Variants in HGF observed in about 807,000 individuals in gnomAD.
The protein encoded by HGF is hepatocyte growth factor, also known as fibroblast-derived tumor cytotoxic factor.
Under a neutral mutation model 111.6 loss-of-function variants are expected in HGF, and 39 were observed. The observed-to-expected ratio is 0.35, with a 90% CI of 0.27 to 0.46. HGF has a LOEUF of 0.46. Ranked by LOEUF, HGF falls within the 20% of genes least tolerant of loss-of-function variation. The probability of loss-of-function intolerance (pLI) is 1.00; values close to 1 mark genes in which losing one functional copy is unlikely to be tolerated. For missense variants in HGF, 735 were observed against 910.5 expected, an observed-to-expected ratio of 0.81 and a Z score of 2.48; for synonymous variants, 285 against 294.8, an observed-to-expected ratio of 0.97 and a Z score of 0.34.
chr7:81,739,647 T>G lies in HGF; in HGVS notation c.865+3706A>C, dbSNP rs576991930. Among the ~76,000 whole-genome samples, 4 of 152,208 alleles carry G rather than the reference T, an allele frequency of 2.6e-5. No individual in the cohort carries two copies. In the South Asian group the frequency reaches 8.3e-4, roughly 32 times the overall value. The stretch of plus-strand genomic sequence containing the variant: ...GTGTGGGAGGGTAGAGGTGTTGACA[T>G]GCCTGGCTTCTGAGAAACACATGTA... On this transcript the variant is annotated intron_variant, in intron 7 of 17. Transcript: ENST00000222390.
chr7:81,716,380 G>A lies in HGF; in HGVS notation c.1405+852C>T, dbSNP rs530262989. Among the ~76,000 whole-genome samples the A allele has an allele frequency of 5.0e-4, 76 of 152,212 alleles. 1 individual carries two copies. In the South Asian group the frequency reaches 0.015, roughly 29 times the overall value. On this transcript the variant is annotated intron_variant, in intron 11 of 17. Transcript: ENST00000222390. ...CCAAGCAGGATTTTGAATTCACACT[G>A]TAAGTAGCATAGAATTGAGACAGAC...
intron 12 of HGF, among the ~76,000 whole-genome samples, chr7:81,710,813 T>C (rs1273136260): frequency 6.6e-6 from 1 of 152,200 alleles, no homozygotes; most frequent in African/African-American, 2.4e-5. Flanking sequence ...GTAAATGTTT[T>C]CCTGACCCTC....
At chr7:81,727,271 C>T (rs577949083) in intron 8 of HGF, among the ~76,000 whole-genome samples, 24 of 151,740 alleles carry the variant, frequency 1.6e-4, no homozygotes, top group African/African-American at 5.6e-4. Context: ...TCTCAATCTC[C>T]TGACCTGGTG....
intron 10 of HGF, among the ~76,000 whole-genome samples, chr7:81,718,979 C>A (rs144457364): frequency 6.6e-6 from 1 of 152,150 alleles, no homozygotes; most frequent in African/African-American, 2.4e-5. Flanking sequence ...TTAATAAATC[C>A]TTTTAATCCT....
chr7:81,769,417 C>T (rs1584028931), intron 1 of HGF, among the ~76,000 whole-genome samples: 1 of 152,140 alleles, frequency 6.6e-6, no homozygotes, highest in East Asian at 1.9e-4. Flanking sequence ...TGTACAAAGT[C>T]GTAATTTGGC....
intron 11 of HGF, among the ~76,000 whole-genome samples, chr7:81,715,971 G>A (rs372839359): frequency 1.2e-4 from 18 of 152,152 alleles, no homozygotes; most frequent in Middle Eastern, 3.4e-3. Flanking sequence ...AAGGATGTTC[G>A]TTGTAAACAT....
chr7:81,752,083 G>A (rs764540833), intron 5 of HGF, 37 bp downstream of exon 5: 2 of 1,612,544 alleles, frequency 1.2e-6, no homozygotes. Context: ...CACATAGGGG[G>A]AATAGAATGG....
rs546761758 is a variant in HGF, at chr7:81,727,437, A to G, written c.1041-1420T>C. ...ATCAAAGTAAGTCCTGACACAAACT[A>G]TTATTTAAGGATATGAGAACATCGG... On this transcript the variant is annotated intron_variant, in intron 8 of 17. Transcript: ENST00000222390. Among the ~76,000 whole-genome samples the G allele has an allele frequency of 2.6e-5, 4 of 152,258 alleles. No individual in the cohort carries two copies. In the South Asian group the frequency reaches 8.3e-4, roughly 32 times the overall value.
At chr7:81,722,672 G>A (rs1789895227) in intron 9 of HGF, among the ~76,000 whole-genome samples, 1 of 150,670 alleles carries the variant, frequency 6.6e-6, no homozygotes, top group Non-Finnish European at 1.5e-5. Context: ...AAATTAGCTG[G>A]GTGTGGTGGC....
chr7:81,736,511 T>G (rs189110768), intron 7 of HGF, among the ~76,000 whole-genome samples: 138 of 152,176 alleles, frequency 9.1e-4, no homozygotes, highest in Non-Finnish European at 4.4e-4. Context: ...GTGCCTAATT[T>G]ATAAATTAAA....
intron 5 of HGF, among the ~76,000 whole-genome samples, chr7:81,747,300 C>T (rs1447433000): frequency 6.6e-6 from 1 of 152,118 alleles, no homozygotes. Flanking sequence ...GATGGCACCA[C>T]TGCACTCCAG....
chr7:81,751,312 G>A (rs1219187056), intron 5 of HGF: 2 of 984,972 alleles, frequency 2.0e-6, no homozygotes, highest in Non-Finnish European at 2.4e-6. Flanking sequence ...GAAATTTAGA[G>A]TTTCTGACAG....
At chr7:81,745,401 A>T (rs1394751270) in intron 5 of HGF, among the ~76,000 whole-genome samples, 1 of 152,186 alleles carries the variant, frequency 6.6e-6, no homozygotes, top group Non-Finnish European at 1.5e-5. Context: ...ACTGTCTCAA[A>T]GGTATCTAGA....
chr7:81,713,480 T>G (rs1038212889), intron 11 of HGF, among the ~76,000 whole-genome samples: 1 of 151,164 alleles, frequency 6.6e-6, no homozygotes, highest in African/African-American at 2.4e-5. Context: ...GAGCCGAAAT[T>G]GCTCCACTGC....
intron 3 of HGF, 137 bp downstream of exon 3, chr7:81,758,555 A>G: frequency 1.5e-6 from 1 of 647,196 alleles, no homozygotes; most frequent in Non-Finnish European, 2.8e-6. Context: ...AACTGTCTTA[A>G]TGGATGAATT....
At chr7:81,764,115 AAG>A (rs1789235748) in intron 1 of HGF, among the ~76,000 whole-genome samples, 1 of 152,142 alleles carries the variant, frequency 6.6e-6, no homozygotes, top group African/African-American at 2.4e-5. Flanking sequence ...TGTGTCAAAA[AAG>A]GAGAGTAAAA....
intron 1 of HGF, among the ~76,000 whole-genome samples, chr7:81,764,852 C>T (rs911353270): frequency 6.6e-6 from 1 of 151,700 alleles, no homozygotes. Flanking sequence ...TTTCTCTTTC[C>T]TTTGACCTTA....
chr7:81,728,093 G>C (rs913297180), intron 8 of HGF, among the ~76,000 whole-genome samples: 20 of 152,164 alleles, frequency 1.3e-4, no homozygotes, highest in Admixed American at 6.5e-4. Context: ...GTTTAATAGA[G>C]ACACGTGACC....
chr7:81,741,526 G>T lies in HGF; in HGVS notation c.865+1827C>A, dbSNP rs141427505. 9.5e-3 allele frequency among the ~76,000 whole-genome samples: 1,450 copies of T among 151,880 alleles called. 22 individuals carry two copies. Among genetic ancestry groups the T allele is most frequent in the African/African-American group, 0.034 (1,388 of 41,418 alleles). ...AGGAGGGCAACATTTGGATTTCTTGGTGTGTGCATGCCAGTTGGGTGAATA... is the reference window on the plus strand; with the variant it reads ...AGGAGGGCAACATTTGGATTTCTTGTTGTGTGCATGCCAGTTGGGTGAATA... On this transcript the variant is annotated intron_variant, in intron 7 of 17. Transcript: ENST00000222390.
Sources: gnomAD v4.1 joint callset for allele counts (sites outside exome capture counted in the v4.1 genomes callset) on GRCh38, gnomAD v4.1.1 for gene constraint, MANE v1.5 for transcripts, NCBI Gene and HGNC (gene_info 2026-07-23, HGNC 2026-07-21) for gene names.